The following RP1 variants were observed in gnomAD, a reference collection of about 807,000 sequenced individuals.
RP1 encodes the protein oxygen-regulated protein 1.
Under a neutral mutation model 14.8 loss-of-function variants are expected in RP1, and 16 were observed. The ratio of observed to expected loss-of-function variants is 1.08; its 90% CI spans 0.73 to 1.65. The LOEUF (loss-of-function observed/expected upper bound fraction) is 1.65. Ranked by LOEUF, RP1 falls within the 40% of genes most tolerant of loss-of-function variation. RP1 has a pLI of 0.00. For missense variants in RP1, 2,631 were observed against 2,535.0 expected (o/e 1.04, Z -0.81); for synonymous variants, 876 against 883.6 (o/e 0.99, Z 0.15).
chr8:54,614,633 A>C (rs767931393), upstream of RP1, among the ~76,000 whole-genome samples: 32 of 152,302 alleles, frequency 2.1e-4, no homozygotes, highest in Non-Finnish European at 3.5e-4. Flanking sequence ...CTCTGTCCTT[A>C]ACTGGAGTTG....
intron 24 of RP1, among the ~76,000 whole-genome samples, chr8:54,796,387 A>T (rs1418804689): frequency 2.6e-5 from 4 of 152,202 alleles, no homozygotes; most frequent in Non-Finnish European, 4.4e-5. Context: ...TGTAGGTGAC[A>T]GTTATAGGTT....
rs574433100 is a variant in RP1, at chr8:54,789,634, A to G, written c.3615+5924A>G. Reference sequence around the variant, plus strand: ...GTTTAGCTTACAGCCCCACCTGACAATAAAACCCAGCCTATGGTCTTGCTA... The same window carrying G: ...GTTTAGCTTACAGCCCCACCTGACAGTAAAACCCAGCCTATGGTCTTGCTA... On this transcript the variant is annotated intron_variant, in intron 24 of 28. Coordinates refer to the RP1 transcript ENST00000637698. 2.0e-5 allele frequency among the ~76,000 whole-genome samples: 3 copies of G among 152,280 alleles called. No homozygotes were observed. In the East Asian group the frequency reaches 5.8e-4, roughly 29 times the overall value.
chr8:54,620,173 T>A (rs1805820239), intron 1 of RP1, among the ~76,000 whole-genome samples: 1 of 152,236 alleles, frequency 6.6e-6, no homozygotes, highest in East Asian at 1.9e-4. Context: ...TTGTATATAT[T>A]TCTGGACTTT....
At position 54,565,291 on chromosome 8, in the gene RP1, G is replaced by A. The variant is rs536315775; in HGVS notation, c.-13+5971G>A. Reference sequence around the variant, plus strand: ...AGCAAAACCTTAGCTGGGGCTGGGTGTGGTGGCTCATGCCTGTAATCCCAG... The same window carrying A: ...AGCAAAACCTTAGCTGGGGCTGGGTATGGTGGCTCATGCCTGTAATCCCAG... On this transcript the variant is annotated intron_variant, in intron 1 of 22. Transcript: ENST00000636932. Among the ~76,000 whole-genome samples the A allele has an allele frequency of 2.0e-5, 3 of 152,334 alleles. No individual in the cohort carries two copies. In the East Asian group the frequency reaches 5.8e-4, roughly 29 times the overall value.
chr8:54,591,253 C>T (rs183048931), intron 1 of RP1, among the ~76,000 whole-genome samples: 10 of 152,258 alleles, frequency 6.6e-5, no homozygotes, highest in Non-Finnish European at 1.2e-4. Flanking sequence ...CCAGAGGGCC[C>T]TAAAAAATCT....
At chr8:54,828,954 C>T (rs1003459101) in intron 24 of RP1, among the ~76,000 whole-genome samples, 3 of 126,378 alleles carry the variant, frequency 2.4e-5, no homozygotes, top group African/African-American at 9.3e-5. Context: ...TGCAGTGGTG[C>T]GATCTCGGCT....
chr8:54,769,726 T>C (rs1260723636), intron 22 of RP1: 3 of 1,483,116 alleles, frequency 2.0e-6, no homozygotes, highest in Admixed American at 2.1e-5. Context: ...TTTCTCTCTC[T>C]CTCTTTTTCC....
At chr8:54,768,261 GTTC>G (rs1337393601) in intron 22 of RP1, among the ~76,000 whole-genome samples, 1 of 152,076 alleles carries the variant, frequency 6.6e-6, no homozygotes, top group African/African-American at 2.4e-5. Flanking sequence ...TAATTTTTTT[GTTC>G]TTCATTCCTT....
At chr8:54,755,469 C>A in intron 20 of RP1, 2 of 752,394 alleles carry the variant, frequency 2.7e-6, no homozygotes, top group Non-Finnish European at 4.1e-6. Flanking sequence ...AAAAGTCTCT[C>A]AATAGACACA....
chr8:54,829,739 A>G (rs1432499454), intron 24 of RP1, among the ~76,000 whole-genome samples: 1 of 152,182 alleles, frequency 6.6e-6, no homozygotes, highest in East Asian at 1.9e-4. Flanking sequence ...TTAAAAAATC[A>G]TTTGGATAAA....
chr8:54,630,079 A>G lies in RP1; in HGVS notation c.6197A>G (p.Asp2066Gly), dbSNP rs1197766918. 2.5e-6 allele frequency: 4 copies of G among 1,613,992 alleles called. No individual in the cohort carries two copies. The East Asian group carries it at 8.9e-5, about 36-fold the overall frequency. Residue 2066 changes from aspartate to glycine, a missense_variant, in exon 4 of 4, where the codon GAT becomes GGT. Coordinates refer to ENST00000220676, the MANE Select transcript of RP1 (RefSeq NM_006269.2). ...ACAAATGAAATCTTTAAAGCAGTCG[A>G]TGAGAATAACAACTTATTAAATAAC... ...GQTNEIFKAV[D>G]ENNNLLNNRF...
At chr8:54,605,006 T>C (rs891524144) in intron 1 of RP1, among the ~76,000 whole-genome samples, 2 of 151,976 alleles carry the variant, frequency 1.3e-5, no homozygotes, top group Non-Finnish European at 2.9e-5. Context: ...GATTCATTGA[T>C]TTTTTGAAGG....
chr8:54,644,888 T>G (rs1407939690), intron 3 of RP1, among the ~76,000 whole-genome samples: 1 of 152,158 alleles, frequency 6.6e-6, no homozygotes, highest in African/African-American at 2.4e-5. Flanking sequence ...CAGTCCTTGG[T>G]GTTCCATGAT....
chr8:54,715,555 A>G (rs1808383507), intron 15 of RP1, among the ~76,000 whole-genome samples: 1 of 152,200 alleles, frequency 6.6e-6, no homozygotes, highest in African/African-American at 2.4e-5. Context: ...CTGGAGAACA[A>G]TAGTTAATTG....
intron 23 of RP1, among the ~76,000 whole-genome samples, chr8:54,777,220 C>T (rs190573842): frequency 1.3e-5 from 2 of 152,334 alleles, no homozygotes; most frequent in Non-Finnish European, 2.9e-5. Flanking sequence ...GTATGTTTCA[C>T]TTGTAATGGA....
At chr8:54,818,568 G>A (rs1261564883) in intron 24 of RP1, among the ~76,000 whole-genome samples, 1 of 152,190 alleles carries the variant, frequency 6.6e-6, no homozygotes, top group African/African-American at 2.4e-5. Context: ...CTTCTAAGTG[G>A]AGGTGAGTCA....
At chr8:54,853,479 T>C (rs1490060551) in intron 26 of RP1, among the ~76,000 whole-genome samples, 1 of 152,140 alleles carries the variant, frequency 6.6e-6, no homozygotes, top group Non-Finnish European at 1.5e-5. Context: ...GCAGCAGTGA[T>C]GGGAGCAGCC....
intron 1 of RP1, among the ~76,000 whole-genome samples, chr8:54,580,189 A>AATAT (rs1162811323): frequency 3.3e-5 from 5 of 152,126 alleles, no homozygotes; most frequent in African/African-American, 1.2e-4. Context: ...AATGTATATA[A>AATAT]AGCACTTGGT....
In RP1 at chr8:54,699,410, A is replaced by G. The variant is rs760854077; in HGVS notation, c.1718-57A>G. On this transcript the variant is annotated intron_variant, in intron 12 of 22. Coordinates refer to the RP1 transcript ENST00000636932. ...ATTAAGAGATTTCAGTATATATTGA[A>G]TGAAAAAAGTTTTAAAAGCCAAACT... is the stretch of plus-strand genomic sequence containing the variant. The G allele has an allele frequency of 1.2e-3, 842 of 712,434 alleles. 1 individual carries two copies. Among genetic ancestry groups the G allele is most frequent in the Non-Finnish European group, 1.6e-3 (774 of 486,754 alleles). 44.1% of individuals were successfully genotyped at this position (712,434 alleles called of 1,614,324 possible).
Sources: gnomAD v4.1 joint callset for allele counts (sites outside exome capture counted in the v4.1 genomes callset) on GRCh38, gnomAD v4.1.1 for gene constraint, MANE v1.5 for transcripts, NCBI Gene and HGNC (gene_info 2026-07-23, HGNC 2026-07-21) for gene names.